CCSER1: variants seen among roughly 807,000 people sequenced by gnomAD.
CCSER1 encodes serine-rich coiled-coil domain-containing protein 1.
CCSER1 carries 41 observed loss-of-function variants against 82.0 expected under a neutral mutation model. The ratio of observed to expected loss-of-function variants is 0.50; its 90% CI spans 0.39 to 0.65. The LOEUF is 0.65. Ranked by LOEUF, CCSER1 falls within the 30% of genes least tolerant of loss-of-function variation. The pLI, the probability that CCSER1 is intolerant of heterozygous loss-of-function variation, is 0.00. For synonymous variants in CCSER1, 414 were observed against 383.9 expected, an observed-to-expected ratio of 1.08 and a Z score of -0.92; for missense variants, 1,119 against 1,064.2, an observed-to-expected ratio of 1.05 and a Z score of -0.72.
intron 8 of CCSER1, among the ~76,000 whole-genome samples, chr4:90,830,427 G>T (rs1158679038): frequency 1.3e-5 from 2 of 152,108 alleles, no homozygotes; most frequent in Admixed American, 6.5e-5. Flanking sequence ...TCAGTGTAAG[G>T]TTCCTTCACT....
intron 9 of CCSER1, among the ~76,000 whole-genome samples, chr4:91,004,727 C>T (rs1738350810): frequency 6.6e-6 from 1 of 152,258 alleles, no homozygotes; most frequent in Admixed American, 6.5e-5. Flanking sequence ...CTTATGAAAG[C>T]TTCTCTAATA....
intron 10 of CCSER1, among the ~76,000 whole-genome samples, chr4:91,579,400 C>T (rs1345833190): frequency 2.0e-5 from 3 of 151,292 alleles, no homozygotes; most frequent in Admixed American, 1.3e-4. Flanking sequence ...AGTACATATT[C>T]GAAAAGAAGA....
intron 6 of CCSER1, among the ~76,000 whole-genome samples, chr4:90,668,052 A>G (rs1171453511): frequency 6.6e-6 from 1 of 152,152 alleles, no homozygotes; most frequent in Admixed American, 6.5e-5. Context: ...AAAATAGGTT[A>G]TGGTTTAAGT....
intron 10 of CCSER1, among the ~76,000 whole-genome samples, chr4:91,169,201 TAAAAAAAAA>T (rs57715555): frequency 2.4e-5 from 3 of 122,988 alleles, no homozygotes; most frequent in Admixed American, 1.6e-4. Flanking sequence ...CAATAAATAC[TAAAAAAAAA>T]AAAAAAAAAA....
At chr4:91,461,332 A>AC (rs1756487388) in intron 10 of CCSER1, among the ~76,000 whole-genome samples, 1 of 152,228 alleles carries the variant, frequency 6.6e-6, no homozygotes, top group Non-Finnish European at 1.5e-5. Flanking sequence ...TGAGGATATT[A>AC]CTGATTGAAT....
At chr4:91,008,996 G>A (rs370942916) in intron 9 of CCSER1, among the ~76,000 whole-genome samples, 84 of 152,316 alleles carry the variant, frequency 5.5e-4, no homozygotes, top group East Asian at 1.2e-3. Context: ...GCACTTAGCC[G>A]TGCAGGAACA....
chr4:91,527,175 T>G (rs1760809437), intron 10 of CCSER1, among the ~76,000 whole-genome samples: 1 of 152,204 alleles, frequency 6.6e-6, no homozygotes. Context: ...TGGATTTATT[T>G]TAATAAAGTC....
At chr4:90,736,572 A>G (rs1288930311) in intron 7 of CCSER1, among the ~76,000 whole-genome samples, 3 of 151,504 alleles carry the variant, frequency 2.0e-5, no homozygotes, top group Non-Finnish European at 4.4e-5. Flanking sequence ...CCATCCCTTT[A>G]TTTTCAGTCT....
chr4:90,861,926 A>ATATTTTTT (rs1486179354), intron 8 of CCSER1, among the ~76,000 whole-genome samples: 7 of 125,664 alleles, frequency 5.6e-5, no homozygotes, highest in African/African-American at 1.7e-4. Context: ...ATATATATAT[A>ATATTTTTT]TTTTTTTTTT....
chr4:91,148,048 T>G (rs1467368996), intron 10 of CCSER1, among the ~76,000 whole-genome samples: 1 of 152,234 alleles, frequency 6.6e-6, no homozygotes, highest in Non-Finnish European at 1.5e-5. Flanking sequence ...TGCTTGATTT[T>G]ACCATAGATA....
chr4:90,622,524 T>A (rs1722508625), intron 5 of CCSER1, among the ~76,000 whole-genome samples: 1 of 152,140 alleles, frequency 6.6e-6, no homozygotes, highest in Non-Finnish European at 1.5e-5. Context: ...CGGTGTTTGT[T>A]TTTTTGTCCT....
intron 5 of CCSER1, among the ~76,000 whole-genome samples, chr4:90,491,793 G>A (rs1384207914): frequency 6.6e-6 from 1 of 152,042 alleles, no homozygotes; most frequent in East Asian, 1.9e-4. Flanking sequence ...TTTTGTCTTT[G>A]GTTCTGTTTA....
At chr4:91,047,237 T>TACAC (rs138195392) in intron 9 of CCSER1, among the ~76,000 whole-genome samples, 6 of 151,766 alleles carry the variant, frequency 4.0e-5, no homozygotes, top group African/African-American at 1.5e-4. Flanking sequence ...AGCATATATA[T>TACAC]ATACACACAC....
chr4:90,166,171 C>T (rs187659104), intron 1 of CCSER1, among the ~76,000 whole-genome samples: 3 of 151,924 alleles, frequency 2.0e-5, no homozygotes, highest in African/African-American at 4.8e-5. Flanking sequence ...GCTATTCAAA[C>T]GTTACTATAA....
chr4:91,396,885 C>T (rs894536148), intron 10 of CCSER1, among the ~76,000 whole-genome samples: 2 of 151,922 alleles, frequency 1.3e-5, no homozygotes, highest in Non-Finnish European at 1.5e-5. Flanking sequence ...AAGATAGAAG[C>T]CACCTTTCCC....
intron 10 of CCSER1, among the ~76,000 whole-genome samples, chr4:91,371,445 G>A (rs1215943421): frequency 6.6e-6 from 1 of 151,970 alleles, no homozygotes; most frequent in African/African-American, 2.4e-5. Flanking sequence ...TCATGTACCT[G>A]GCTTACTTCA....
chr4:90,331,197 T>G (rs1213650471), intron 3 of CCSER1, among the ~76,000 whole-genome samples: 1 of 152,044 alleles, frequency 6.6e-6, no homozygotes, highest in African/African-American at 2.4e-5. Flanking sequence ...TTTTTTCTTT[T>G]TTTTTCTTTT....
chr4:91,330,803 G>A (rs1468006335), intron 10 of CCSER1, among the ~76,000 whole-genome samples: 1 of 152,074 alleles, frequency 6.6e-6, no homozygotes, highest in African/African-American at 2.4e-5. Flanking sequence ...CTGAGGTTTT[G>A]CTTTTCACGG....
chr4:90,203,296 C>A (rs1043285853), intron 1 of CCSER1, among the ~76,000 whole-genome samples: 9 of 152,156 alleles, frequency 5.9e-5, no homozygotes, highest in African/African-American at 1.9e-4. Context: ...TTGCTGCACC[C>A]ATCAACCTGT....
Sources: allele counts gnomAD v4.1 joint callset (sites outside exome capture counted in the v4.1 genomes callset), GRCh38; gene constraint gnomAD v4.1.1; transcripts MANE v1.5; gene names NCBI Gene and HGNC (gene_info 2026-07-23, HGNC 2026-07-21).